NEXN: variants seen among roughly 807,000 people sequenced by gnomAD.
NEXN encodes nexilin F-actin binding protein.
A neutral mutation model predicts 92.6 loss-of-function variants in NEXN; 65 were observed. That is an observed-to-expected ratio of 0.70 (90% confidence interval 0.57 to 0.86). NEXN has a LOEUF of 0.86. Among genes scored for constraint, NEXN ranks in the 40% least tolerant of loss-of-function variants. The pLI is 0.00. For missense variants in NEXN, 778 were observed against 771.1 expected, an observed-to-expected ratio of 1.01 and a Z score of -0.11; for synonymous variants, 254 against 242.5, an observed-to-expected ratio of 1.05 and a Z score of -0.44.
chr1:77,905,468 A>T (rs532405876), intron 1 of NEXN, among the ~76,000 whole-genome samples: 3 of 152,096 alleles, frequency 2.0e-5, no homozygotes, highest in Non-Finnish European at 4.4e-5. Context: ...AGGTGGGAGG[A>T]TCACTTGGGC....
At chr1:77,918,415 C>T in intron 5 of NEXN, 142 bp downstream of exon 5, 1 of 986,602 alleles carries the variant, frequency 1.0e-6, no homozygotes. Flanking sequence ...TGGTGGCTCA[C>T]CTCTGTAATC....
intron 11 of NEXN, among the ~76,000 whole-genome samples, chr1:77,940,512 AATTT>A (rs1341185870): frequency 1.4e-4 from 21 of 152,358 alleles, no homozygotes; most frequent in African/African-American, 5.0e-4. Flanking sequence ...TACTTACTCA[AATTT>A]ATTTTCTAAA....
At chr1:77,926,349 T>C in intron 6 of NEXN, 65 bp from the exon 7 acceptor site, 1 of 1,100,700 alleles carries the variant, frequency 9.1e-7, no homozygotes. Context: ...ATGATGGAGG[T>C]AAAGTCCCAT....
At position 77,943,541 on chromosome 1, in the gene NEXN, T is replaced by G. The variant is rs1443769977; in HGVS notation, c.*712T>G. The G allele has an allele frequency of 1.4e-5, 2 of 139,090 alleles. No homozygotes were observed. The highest frequency in any genetic ancestry group is 6.0e-5 in the African/African-American group (2 of 33,538). 8.6% of individuals were successfully genotyped at this position (139,090 alleles called of 1,614,324 possible). On this transcript the variant is annotated 3_prime_UTR_variant, in exon 13 of 13. Coordinates refer to ENST00000334785, the MANE Select transcript of NEXN (RefSeq NM_144573.4). ...GACTTAAAGAATGGCTATACAGTGT[T>G]GAGTGTTGAGGATATTAAACATGTT...
rs1281703299 is a variant in NEXN, at chr1:77,943,375, T to A, written c.*546T>A. ...AACCTATCAATTTGAGTGGACTTTT[T>A]CTTTAGTAGTACACCATTTTGGTTG... On this transcript the variant is annotated 3_prime_UTR_variant, in exon 13 of 13. Transcript: ENST00000334785. The A allele has an allele frequency of 6.0e-6, 1 of 166,936 alleles. No homozygotes were observed. The highest frequency in any genetic ancestry group is 2.4e-5 in the African/African-American group (1 of 41,490). The allele number at this position is 166,936 out of a possible 1,614,324, so 10.3% of individuals were successfully genotyped here. A position where few individuals can be genotyped will look rare whatever the true frequency, so the allele number is the denominator to read the frequency against.
At chr1:77,910,609 G>C (rs372728650) in intron 1 of NEXN, among the ~76,000 whole-genome samples, 2 of 151,840 alleles carry the variant, frequency 1.3e-5, no homozygotes, top group East Asian at 1.9e-4. Context: ...AAATTAGCTG[G>C]GTGTCGTCGG....
At chr1:77,932,987 C>A in intron 9 of NEXN, 1 of 263,464 alleles carries the variant, frequency 3.8e-6, no homozygotes. Context: ...CATGGAGAAA[C>A]CCCGTCTCTA....
chr1:77,911,092 C>T (rs996682683), intron 1 of NEXN, among the ~76,000 whole-genome samples: 21 of 152,184 alleles, frequency 1.4e-4, no homozygotes, highest in Non-Finnish European at 4.4e-5. Flanking sequence ...CTGCCTCAGC[C>T]TTCCAAAGTG....
At position 77,929,325 on chromosome 1, in the gene NEXN, G is replaced by A. The variant is rs373377525; in HGVS notation, c.874G>A (p.Asp292Asn). The change falls in exon 9 of 13, where the codon GAT (aspartate) becomes AAT (asparagine). Residue 292 changes from aspartate (D) to asparagine (N), a missense_variant. By Grantham distance (23) the Asp-to-Asn change is conservative. Transcript: ENST00000334785. The stretch of plus-strand genomic sequence containing the variant: ...TTGTTTATTTGGTTAGGTAAATGAA[G>A]ATGAGGAAAACCAAGACACAGCAAA... The part of the protein sequence containing the change: ...EEARRQMVNE[D>N]EENQDTAKIF... The A allele has an allele frequency of 2.7e-5, 43 of 1,608,582 alleles. No individual in the cohort carries two copies. The highest frequency in any genetic ancestry group is 1.7e-4 in the Middle Eastern group (1 of 6,060).
At position 77,935,963 on chromosome 1, in the gene NEXN, GA is replaced by G. The variant is rs1365488625; in HGVS notation, c.1399del (p.Ile467Ter). The G allele has an allele frequency of 6.2e-7, 1 of 1,613,696 alleles. No homozygotes were observed. The highest frequency in any genetic ancestry group is 8.5e-7 in the Non-Finnish European group (1 of 1,179,888). ...IGQLSEKEIQ[K>X]KIEEERARRR... is the part of the protein sequence containing the mutation. The stretch of plus-strand genomic sequence containing the variant: ...GACAGTTGTCTGAAAAAGAAATACA[GA>G]AAAAAATAGAAGAAGAGCGAGCAAG... On this transcript the variant is annotated frameshift_variant, in exon 11 of 13. Transcript: ENST00000334785. LOFTEE classifies it high-confidence loss of function.
At chr1:77,889,459 T>C (rs1259296769) in intron 1 of NEXN, 3 of 150,820 alleles carry the variant, frequency 2.0e-5, no homozygotes, top group Admixed American at 6.7e-5. Flanking sequence ...GAGTGAAGAA[T>C]GTAGTCACCT....
At chr1:77,938,763 A>T (rs1014578798) in intron 11 of NEXN, among the ~76,000 whole-genome samples, 17 of 152,170 alleles carry the variant, frequency 1.1e-4, no homozygotes, top group African/African-American at 3.9e-4. Context: ...GCTGAATAAA[A>T]GTTGCAGGTA....
In NEXN at chr1:77,943,090, A is replaced by C; in HGVS notation, c.*261A>C. 2.2e-6 allele frequency: 1 copy of C among 454,734 alleles called. No homozygotes were observed. The highest frequency in any genetic ancestry group is 4.1e-6 in the Non-Finnish European group (1 of 243,130). The allele number at this position is 454,734 out of a possible 1,614,324, so 28.2% of individuals were successfully genotyped here. The stretch of plus-strand genomic sequence containing the variant: ...TAAAGAATGCCTACTTCTTTTCCAA[A>C]TAAGCATCAGATTTATCGCCTATTA... On this transcript the variant is annotated 3_prime_UTR_variant, in exon 13 of 13. Transcript: ENST00000334785.
intron 11 of NEXN, among the ~76,000 whole-genome samples, 159 bp downstream of exon 11, chr1:77,936,203 C>A (rs1650752116): frequency 6.6e-6 from 1 of 152,138 alleles, no homozygotes; most frequent in Admixed American, 6.6e-5. Context: ...AGATCTTAGA[C>A]TTTGAAAGAC....
rs769549962 is a variant in NEXN, at chr1:77,926,558, T to C, written c.634T>C (p.Tyr212His). ...IKYEEDKRIR[Y>H]EEQRPSLKEA... Reference sequence around the variant, plus strand: ...GTACGAGGAAGATAAAAGAATAAGATATGAAGAACAACGACCATCTCTCAA... The same window carrying C: ...GTACGAGGAAGATAAAAGAATAAGACATGAAGAACAACGACCATCTCTCAA... Residue 212 changes from tyrosine (Y) to histidine (H), a missense_variant, in exon 7 of 13, where the codon TAT becomes CAT. Physicochemically the swap from Tyr to His is moderately conservative, Grantham distance 83. Around this residue, in one of 3 missense-constraint regions of NEXN, gnomAD observed 236 missense variants for 265.6 expected, o/e 0.89. Transcript: ENST00000334785. The C allele has an allele frequency of 1.2e-6, 2 of 1,613,788 alleles. No homozygotes were observed. The highest frequency in any genetic ancestry group is 1.3e-5 in the African/African-American group (1 of 74,912).
chr1:77,942,202 A>G lies in NEXN; in HGVS notation c.1653A>G (p.Leu551=), dbSNP rs794727078. Residue 551 remains leucine (L), a synonymous_variant, in exon 12 of 13, where the codon CTA becomes CTG. Coordinates refer to ENST00000334785, the MANE Select transcript of NEXN (RefSeq NM_144573.4). ...AACAAAGGGAAATTGATGCAGCACT[A>G]CAAAAGGTACCAGGCTTATGTATCC... ...QFEQREIDAA[L]QKKREEEEEE... The G allele has an allele frequency of 2.2e-5, 36 of 1,613,562 alleles. No homozygotes were observed. Among genetic ancestry groups the G allele is most frequent in the Non-Finnish European group, 2.9e-5 (34 of 1,179,652 alleles).
In NEXN at chr1:77,943,639, A is replaced by G. The variant is rs1314508385; in HGVS notation, c.*810A>G. 1 of 152,130 alleles carries G rather than the reference A, an allele frequency of 6.6e-6. No homozygotes were observed. Among genetic ancestry groups the G allele is most frequent in the Non-Finnish European group, 1.5e-5 (1 of 67,950 alleles). 9.4% of individuals were successfully genotyped at this position (152,130 alleles called of 1,614,324 possible). A position where few individuals can be genotyped will look rare whatever the true frequency, so the allele number is the denominator to read the frequency against. On this transcript the variant is annotated 3_prime_UTR_variant, in exon 13 of 13. Coordinates refer to ENST00000334785, the MANE Select transcript of NEXN (RefSeq NM_144573.4). ...TGTTGTGATCTTGCCTGAACAAATT[A>G]TATTTTAATGAAAAAACTTTCTATT... is the stretch of plus-strand genomic sequence containing the variant.
intron 1 of NEXN, among the ~76,000 whole-genome samples, chr1:77,902,462 A>AC (rs1318735610): frequency 1.3e-4 from 10 of 77,590 alleles, no homozygotes; most frequent in Non-Finnish European, 2.5e-4. Flanking sequence ...GATTCTGTTC[A>AC]TATTCTGAGA....
chr1:77,941,246 G>T (rs76917988), intron 11 of NEXN, among the ~76,000 whole-genome samples: 6,746 of 127,838 alleles, frequency 0.053, 251 homozygotes, highest in Admixed American at 0.16. Flanking sequence ...CAAAAGTCAA[G>T]AAACCAAAAG....
Sources: allele counts gnomAD v4.1 joint callset (sites outside exome capture counted in the v4.1 genomes callset), GRCh38; gene constraint gnomAD v4.1.1; regional missense constraint gnomAD v4.1.1; transcripts MANE v1.5; gene names NCBI Gene and HGNC (gene_info 2026-07-23, HGNC 2026-07-21).